Variants in PCDH7 observed in about 807,000 individuals in gnomAD.
PCDH7 encodes protocadherin 7.
A neutral mutation model predicts 58.9 loss-of-function variants in PCDH7; 17 were observed. The observed-to-expected ratio is 0.29, with a 90% CI of 0.20 to 0.43. The LOEUF (loss-of-function observed/expected upper bound fraction) is 0.43. Among genes scored for constraint, PCDH7 ranks in the 20% least tolerant of loss-of-function variants. The pLI is 1.00. For synonymous variants in PCDH7, 664 were observed against 616.4 expected (o/e 1.08, Z -1.14); for missense variants, 1,274 against 1,441.0 (o/e 0.88, Z 1.88).
chr4:31,025,099 G>C (rs796850233), intron 3 of PCDH7, among the ~76,000 whole-genome samples: 2 of 152,132 alleles, frequency 1.3e-5, no homozygotes, highest in South Asian at 4.1e-4. Context: ...TGGAGAAATC[G>C]TGATCCTGTT....
intron 1 of PCDH7, among the ~76,000 whole-genome samples, chr4:30,854,608 C>T (rs972911642): frequency 2.0e-5 from 3 of 151,766 alleles, no homozygotes; most frequent in Non-Finnish European, 2.9e-5. Context: ...AGAAAGTCCT[C>T]GAGGGATGGT....
intron 1 of PCDH7, among the ~76,000 whole-genome samples, chr4:30,854,329 T>C (rs1733168708): frequency 6.7e-6 from 1 of 148,726 alleles, no homozygotes; most frequent in Non-Finnish European, 1.5e-5. Context: ...CCTTCTTCCA[T>C]CATTGACAGC....
chr4:30,926,974 T>C (rs1202794003), intron 2 of PCDH7, among the ~76,000 whole-genome samples: 1 of 152,164 alleles, frequency 6.6e-6, no homozygotes, highest in Non-Finnish European at 1.5e-5. Flanking sequence ...TTAACTCTGA[T>C]AAAATGTGTG....
chr4:30,989,366 A>C (rs1269122307), intron 3 of PCDH7, among the ~76,000 whole-genome samples: 1 of 152,232 alleles, frequency 6.6e-6, no homozygotes, highest in Non-Finnish European at 1.5e-5. Context: ...TCACTAGTAC[A>C]TATAGCTATA....
intron 3 of PCDH7, among the ~76,000 whole-genome samples, chr4:30,975,266 C>T (rs1433481374): frequency 6.6e-6 from 1 of 151,506 alleles, no homozygotes; most frequent in Non-Finnish European, 1.5e-5. Flanking sequence ...TCTGCAACCA[C>T]CTATAGTTTG....
intron 1 of PCDH7, among the ~76,000 whole-genome samples, chr4:30,916,161 A>G (rs1295650987): frequency 1.3e-5 from 2 of 152,094 alleles, no homozygotes; most frequent in Non-Finnish European, 2.9e-5. Flanking sequence ...ACTCAATCCA[A>G]TCAGCTACAT....
chr4:30,813,919 C>T (rs1727326948), intron 1 of PCDH7, among the ~76,000 whole-genome samples: 1 of 152,100 alleles, frequency 6.6e-6, no homozygotes, highest in Non-Finnish European at 1.5e-5. Context: ...GGATTACAGG[C>T]GTGAGCTACC....
intron 3 of PCDH7, among the ~76,000 whole-genome samples, chr4:31,129,750 G>A (rs1846526): frequency 0.57 from 86,916 of 151,832 alleles, 28,116 homozygotes; most frequent in African/African-American, 0.88. Context: ...CTCCGGCCTC[G>A]GCCTCCTGAG....
At chr4:30,842,228 T>C (rs1238417069) in intron 1 of PCDH7, among the ~76,000 whole-genome samples, 1 of 152,154 alleles carries the variant, frequency 6.6e-6, no homozygotes, top group Non-Finnish European at 1.5e-5. Context: ...TATATGGTGC[T>C]CTGTATATGG....
chr4:31,079,360 A>G (rs1759305257), intron 3 of PCDH7, among the ~76,000 whole-genome samples: 1 of 102,940 alleles, frequency 9.7e-6, no homozygotes, highest in Admixed American at 9.9e-5. Context: ...ATATATATAT[A>G]TATACACCAC....
chr4:30,849,496 A>G (rs1407530643), intron 1 of PCDH7, among the ~76,000 whole-genome samples: 2 of 119,886 alleles, frequency 1.7e-5, no homozygotes, highest in Non-Finnish European at 3.2e-5. Context: ...AATATAAAAA[A>G]CATGGATGAA....
chr4:30,967,215 A>G, intron 3 of PCDH7, among the ~76,000 whole-genome samples: 1 of 152,034 alleles, frequency 6.6e-6, no homozygotes, highest in East Asian at 1.9e-4. Flanking sequence ...CAAAAAGAAA[A>G]AAAAATCAGT....
intron 3 of PCDH7, among the ~76,000 whole-genome samples, chr4:30,966,970 A>T (rs538827808): frequency 3.5e-4 from 54 of 152,248 alleles, no homozygotes; most frequent in African/African-American, 9.9e-4. Flanking sequence ...CAGTTTCCTT[A>T]TTGCAAAATT....
At position 31,041,299 on chromosome 4, in the gene PCDH7, G is replaced by A. The variant is rs564508645; in HGVS notation, c.*7+91084G>A. On this transcript the variant is annotated intron_variant, in intron 3 of 3. Transcript: ENST00000509759. The stretch of plus-strand genomic sequence containing the variant: ...ATTGTTTGCTTGGTTATTATTCCGG[G>A]GATATTTTTTGAGTGATGAAAATAT... 2.4e-4 allele frequency among the ~76,000 whole-genome samples: 36 copies of A among 152,048 alleles called. No individual in the cohort carries two copies. The South Asian group carries it at 7.1e-3, about 30-fold the overall frequency.
At chr4:30,768,549 A>G (rs1721024250) in intron 1 of PCDH7, among the ~76,000 whole-genome samples, 2 of 152,214 alleles carry the variant, frequency 1.3e-5, no homozygotes, top group South Asian at 4.1e-4. Flanking sequence ...CAGTCCTGCT[A>G]AAGCAGGAAA....
intron 3 of PCDH7, among the ~76,000 whole-genome samples, chr4:31,027,682 A>T (rs1352077360): frequency 6.6e-6 from 1 of 152,058 alleles, no homozygotes; most frequent in East Asian, 1.9e-4. Context: ...TGGCCTCCTA[A>T]AGTGCTGGGA....
intron 3 of PCDH7, among the ~76,000 whole-genome samples, chr4:30,953,568 G>GAAA: frequency 7.0e-6 from 1 of 142,458 alleles, no homozygotes; most frequent in East Asian, 2.0e-4. Context: ...CACCTTCAAG[G>GAAA]AAAAAAAAAA....
At chr4:31,130,742 C>T (rs1049793059) in intron 3 of PCDH7, among the ~76,000 whole-genome samples, 1 of 152,170 alleles carries the variant, frequency 6.6e-6, no homozygotes, top group Non-Finnish European at 1.5e-5. Flanking sequence ...ATTCCTTTTC[C>T]ATCTTCAAAG....
At chr4:31,014,588 A>C (rs1050063512) in intron 3 of PCDH7, among the ~76,000 whole-genome samples, 1 of 152,202 alleles carries the variant, frequency 6.6e-6, no homozygotes, top group Admixed American at 6.5e-5. Context: ...TTGCAATTCC[A>C]CATCGATTTT....
Sources: gnomAD v4.1 joint callset for allele counts (sites outside exome capture counted in the v4.1 genomes callset) on GRCh38, gnomAD v4.1.1 for gene constraint, MANE v1.5 for transcripts, NCBI Gene and HGNC (gene_info 2026-07-23, HGNC 2026-07-21) for gene names.